Variants in MCM10 observed in about 807,000 individuals in gnomAD.
The protein encoded by MCM10 is protein MCM10 homolog.
A neutral mutation model predicts 109.9 loss-of-function variants in MCM10; 91 were observed. The ratio of observed to expected loss-of-function variants is 0.83; its 90% CI spans 0.70 to 0.99. The LOEUF (loss-of-function observed/expected upper bound fraction) is 0.99. Ranked by LOEUF, MCM10 falls within the 50% of genes least tolerant of loss-of-function variation. The pLI is 0.00. For missense variants in MCM10, 1,077 were observed against 1,061.2 expected (o/e 1.01, Z -0.21); for synonymous variants, 380 against 387.2 (o/e 0.98, Z 0.22).
chr10:13,170,053 G>A (rs1834050394), intron 2 of MCM10, among the ~76,000 whole-genome samples: 1 of 152,206 alleles, frequency 6.6e-6, no homozygotes, highest in Non-Finnish European at 1.5e-5. Flanking sequence ...AATGTTGAAT[G>A]AACCTGGAAT....
chr10:13,194,216 T>G (rs1159452455), intron 13 of MCM10, among the ~76,000 whole-genome samples: 1 of 152,096 alleles, frequency 6.6e-6, no homozygotes, highest in Non-Finnish European at 1.5e-5. Context: ...GTACAAAGAT[T>G]AGCTGGGCAT....
chr10:13,195,252 T>C lies in MCM10; in HGVS notation c.1957T>C (p.Leu653=). 2 of 1,602,830 alleles carry C rather than the reference T, an allele frequency of 1.2e-6. No individual in the cohort carries two copies. Among genetic ancestry groups the C allele is most frequent in the Non-Finnish European group, 1.7e-6 (2 of 1,173,894 alleles). Residue 653 remains leucine (L), a synonymous_variant, in exon 14 of 20, where the codon TTA becomes CTA. Transcript: ENST00000378714. ...SPPPRPKLSA[L]AEAKKLAAIT... ...ACCACCAAGACCAAAACTGAGTGCT[T>C]TAGCAGAAGCCAAAAAGGTAACTGG...
At chr10:13,170,259 A>G (rs1254967468) in intron 2 of MCM10, among the ~76,000 whole-genome samples, 1 of 152,212 alleles carries the variant, frequency 6.6e-6, no homozygotes. Flanking sequence ...GACAGACTTC[A>G]TCTGGAAGGT....
intron 8 of MCM10, 86 bp from the exon 9 acceptor site, chr10:13,186,078 A>C (rs908311483): frequency 7.9e-6 from 6 of 763,472 alleles, no homozygotes; most frequent in Non-Finnish European, 1.1e-5. Context: ...TTCTTAAATC[A>C]GCACCAACCA....
intron 14 of MCM10, 200 bp downstream of exon 14, chr10:13,195,469 T>C: frequency 2.0e-6 from 1 of 497,776 alleles, no homozygotes; most frequent in South Asian, 2.8e-5. Context: ...CTACAAGAGG[T>C]AGCCTAGAGG....
chr10:13,183,167 T>A, intron 8 of MCM10, 67 bp downstream of exon 8: 1 of 1,551,480 alleles, frequency 6.4e-7, no homozygotes, highest in Non-Finnish European at 8.8e-7. Flanking sequence ...TTATCAAAGA[T>A]GTTTGATGCA....
intron 5 of MCM10, among the ~76,000 whole-genome samples, chr10:13,175,243 G>T (rs1449268691): frequency 6.6e-6 from 1 of 152,144 alleles, no homozygotes. Context: ...AGACCAGCCT[G>T]GGCAACATGG....
Position 13,210,062 on chromosome 10 carries a change from T to G in MCM10, c.*752T>G, listed in dbSNP as rs1044568792. The G allele has an allele frequency of 2.6e-5, 4 of 152,040 alleles. No individual in the cohort carries two copies. Among genetic ancestry groups the G allele is most frequent in the Non-Finnish European group, 5.9e-5 (4 of 68,002 alleles). The allele number at this position is 152,040 out of a possible 1,614,324, so 9.4% of individuals were successfully genotyped here. On this transcript the variant is annotated 3_prime_UTR_variant, in exon 20 of 20. Transcript: ENST00000378714. ...CTCATATTATTTTTTTTTTAATTTT[T>G]TTATTTTTTATGACAGGGTCTCACT... is the stretch of plus-strand genomic sequence containing the variant.
intron 1 of MCM10, among the ~76,000 whole-genome samples, chr10:13,162,506 G>A (rs1374810922): frequency 2.6e-5 from 4 of 152,204 alleles, no homozygotes; most frequent in Non-Finnish European, 4.4e-5. Context: ...TGGGTTAAAG[G>A]TTGACGGTGG....
chr10:13,207,616 T>G (rs189990265), intron 18 of MCM10, among the ~76,000 whole-genome samples: 12 of 152,284 alleles, frequency 7.9e-5, no homozygotes, highest in East Asian at 7.7e-4. Flanking sequence ...GGCAGGTCTT[T>G]CCCGGGCTGT....
Position 13,204,236 on chromosome 10 carries a change from C to A in MCM10, c.2370C>A (p.Phe790Leu). Reference protein sequence around the residue: ...VTCKTCAYTHFKLLETCVSEQ... With the variant: ...VTCKTCAYTHLKLLETCVSEQ... The stretch of plus-strand genomic sequence containing the variant: ...CTGTGCAGTGCGCCTATACCCACTT[C>A]AAGCTGCTGGAGACCTGCGTCAGTG... The change falls in exon 18 of 20, where the codon TTC becomes TTA. Residue 790 changes from phenylalanine (F) to leucine (L), a missense_variant. Transcript: ENST00000378714. The A allele has an allele frequency of 6.2e-7, 1 of 1,614,172 alleles. No homozygotes were observed.
intron 6 of MCM10, among the ~76,000 whole-genome samples, chr10:13,180,236 G>A (rs1014587554): frequency 6.6e-6 from 1 of 151,098 alleles, no homozygotes; most frequent in Non-Finnish European, 1.5e-5. Flanking sequence ...GGGCAACAGA[G>A]TGAGACTCCA....
At chr10:13,181,170 G>A (rs957987127) in intron 7 of MCM10, among the ~76,000 whole-genome samples, 2 of 152,130 alleles carry the variant, frequency 1.3e-5, no homozygotes, top group Admixed American at 6.6e-5. Flanking sequence ...TTTAACTAGC[G>A]ATGTTACCTT....
rs1283040608 is a variant in MCM10 at position 13,204,386 on chromosome 10, CTT to C, written c.2498+24_2498+25del. ...GCAGGTATGAGAATCACCTGGAGCT[CTT>C]TGTCCCACGTGGGGATTTTCATCTC... On this transcript the variant is annotated intron_variant, in intron 18 of 19. Transcript: ENST00000378714. 5 of 1,611,762 alleles carry C rather than the reference CTT, an allele frequency of 3.1e-6. No individual in the cohort carries two copies. In the African/African-American group the frequency reaches 6.7e-5, roughly 22 times the overall value.
intron 13 of MCM10, among the ~76,000 whole-genome samples, chr10:13,193,712 C>T (rs536444125): frequency 6.6e-6 from 1 of 152,262 alleles, no homozygotes; most frequent in Non-Finnish European, 1.5e-5. Context: ...AGCTATTCAT[C>T]TTGAGCCTAC....
chr10:13,192,821 T>C (rs1834366703), intron 13 of MCM10, among the ~76,000 whole-genome samples: 1 of 152,050 alleles, frequency 6.6e-6, no homozygotes, highest in South Asian at 2.1e-4. Flanking sequence ...GTGAAGTGTA[T>C]GTAAAGAGGG....
In MCM10 at chr10:13,182,983, ATG is replaced by A; in HGVS notation, c.987_988del (p.Ser330LeufsTer52). The A allele has an allele frequency of 6.2e-7, 1 of 1,614,066 alleles. No individual in the cohort carries two copies. The highest frequency in any genetic ancestry group is 8.5e-7 in the Non-Finnish European group (1 of 1,179,932). On this transcript the variant is annotated frameshift_variant, in exon 8 of 20. Transcript: ENST00000378714. LOFTEE classifies it high-confidence loss of function. The surrounding 1 kb of genome is among the most constrained non-coding windows in gnomAD (Gnocchi z 4.2). ...KLNDLRDLTQ[C>X]VSLFLFGEVH... ...TGAATGATCTTCGTGACCTGACACA[ATG>A]TGTGTCCTTGTTCTTATTTGGAGAA...
intron 18 of MCM10, among the ~76,000 whole-genome samples, chr10:13,207,058 G>A (rs1007418499): frequency 6.6e-6 from 1 of 152,156 alleles, no homozygotes; most frequent in African/African-American, 2.4e-5. Flanking sequence ...AGTGGGCTCA[G>A]CTGCCCAAAG....
rs541343513 is a variant in MCM10 at position 13,199,395 on chromosome 10, A to T, written c.2238+588A>T. The stretch of plus-strand genomic sequence containing the variant: ...GTTTGCATTTGGTTATGGCTGTGAA[A>T]TTATGTTTAAATGGCTCTACACTGC... On this transcript the variant is annotated intron_variant, in intron 16 of 19. Coordinates refer to ENST00000378714, the MANE Select transcript of MCM10 (RefSeq NM_018518.5). 1.1e-4 allele frequency among the ~76,000 whole-genome samples: 17 copies of T among 152,348 alleles called. No individual in the cohort carries two copies. In the South Asian group the frequency reaches 3.5e-3, roughly 32 times the overall value.
Sources: allele counts gnomAD v4.1 joint callset (sites outside exome capture counted in the v4.1 genomes callset), GRCh38; gene constraint gnomAD v4.1.1; non-coding constraint Gnocchi (gnomAD v3.1); transcripts MANE v1.5; gene names NCBI Gene and HGNC (gene_info 2026-07-23, HGNC 2026-07-21).